The following ATP8B1 variants were observed in gnomAD, a reference collection of about 807,000 sequenced individuals.
The protein encoded by ATP8B1 is phospholipid-transporting ATPase IC.
ATP8B1 carries 80 observed loss-of-function variants against 149.9 expected under a neutral mutation model. The ratio of observed to expected loss-of-function variants is 0.53; its 90% confidence interval spans 0.45 to 0.64. The LOEUF (loss-of-function observed/expected upper bound fraction) is 0.64, where lower values mean the gene tolerates loss of function less well. Ranked by LOEUF, ATP8B1 falls within the 30% of genes least tolerant of loss-of-function variation. The pLI is 0.00. For synonymous variants in ATP8B1, 536 were observed against 562.8 expected, an observed-to-expected ratio of 0.95 and a Z score of 0.67; for missense variants, 1,247 against 1,552.6, an observed-to-expected ratio of 0.80 and a Z score of 3.31.
At chr18:57,714,980 A>G (rs2079570739) in intron 2 of ATP8B1, among the ~76,000 whole-genome samples, 1 of 152,258 alleles carries the variant, frequency 6.6e-6, no homozygotes, top group Non-Finnish European at 1.5e-5. Context: ...CTGCAGAAAC[A>G]AAACTATATG....
rs2122546600 is a variant in ATP8B1 at position 57,650,473 on chromosome 18, TG to T, written c.3424del (p.Gln1142SerfsTer6). The T allele has an allele frequency of 6.2e-7, 1 of 1,613,854 alleles. No homozygotes were observed. The highest frequency in any genetic ancestry group is 8.5e-7 in the Non-Finnish European group (1 of 1,179,790). ...FTGTASNALR[Q>X]PYIWLTIILA... ...GATGATAGTTAACCAAATGTATGGC[TG>T]TCTCAGAGCGTTTGAAGCTGTGCCT... On this transcript the variant is annotated frameshift_variant, in exon 27 of 28. Transcript: ENST00000648908. LOFTEE classifies it high-confidence loss of function.
chr18:57,726,152 C>G (rs1039731186), intron 2 of ATP8B1, among the ~76,000 whole-genome samples: 3 of 152,132 alleles, frequency 2.0e-5, no homozygotes, highest in Admixed American at 6.6e-5. Context: ...TGCTTGAACT[C>G]AAGAAGTTGA....
At chr18:57,764,100 A>C (rs1568060810) in intron 1 of ATP8B1, among the ~76,000 whole-genome samples, 1 of 152,008 alleles carries the variant, frequency 6.6e-6, no homozygotes, top group African/African-American at 2.4e-5. Context: ...AAGCCCGGTC[A>C]CTCTCGCTTT....
chr18:57,727,855 C>T (rs2079724344), intron 2 of ATP8B1, among the ~76,000 whole-genome samples: 14 of 152,152 alleles, frequency 9.2e-5, no homozygotes, highest in Admixed American at 9.2e-4. Flanking sequence ...TCCCAGAACA[C>T]ATGCTGAGAA....
chr18:57,653,935 C>T, intron 24 of ATP8B1, 57 bp downstream of exon 24: 1 of 1,475,092 alleles, frequency 6.8e-7, no homozygotes, highest in East Asian at 2.3e-5. Flanking sequence ...TTGCTTGGGA[C>T]TTCTCTAACG....
rs2080385429 is a variant in ATP8B1 at position 57,784,236 on chromosome 18, C to G, written c.-26+18762G>C. Among the ~76,000 whole-genome samples the G allele has an allele frequency of 6.6e-6, 1 of 152,094 alleles. No individual in the cohort carries two copies. Among genetic ancestry groups the G allele is most frequent in the Non-Finnish European group, 1.5e-5 (1 of 68,032 alleles). On this transcript the variant is annotated intron_variant, in intron 1 of 27. Coordinates refer to ENST00000648908, the MANE Select transcript of ATP8B1 (RefSeq NM_001374385.1). The surrounding 1 kb of genome is among the most constrained non-coding windows in gnomAD (Gnocchi z 4.4). ...GGAATTTGCAGGGGGAAGCCGGGGTCAGGGCGGGCTGGGCATAGAGAGCTG... is the reference window on the plus strand; with the variant it reads ...GGAATTTGCAGGGGGAAGCCGGGGTGAGGGCGGGCTGGGCATAGAGAGCTG...
chr18:57,765,478 G>A (rs916341443), intron 1 of ATP8B1, among the ~76,000 whole-genome samples: 2 of 152,108 alleles, frequency 1.3e-5, no homozygotes, highest in Non-Finnish European at 2.9e-5. Flanking sequence ...GACCAGCCTG[G>A]TCAATATGGT....
chr18:57,767,617 G>A (rs1051166304), intron 1 of ATP8B1, among the ~76,000 whole-genome samples: 1 of 151,982 alleles, frequency 6.6e-6, no homozygotes, highest in African/African-American at 2.4e-5. Context: ...GTGAAACCTT[G>A]TTTCTACTAA....
chr18:57,799,602 G>A (rs939141224), intron 1 of ATP8B1, among the ~76,000 whole-genome samples: 1 of 151,704 alleles, frequency 6.6e-6, no homozygotes, highest in African/African-American at 2.4e-5. Context: ...TCAGTTACTC[G>A]GGAGGCTGAG....
chr18:57,731,003 A>G (rs938898504), intron 2 of ATP8B1, among the ~76,000 whole-genome samples: 1 of 152,140 alleles, frequency 6.6e-6, no homozygotes, highest in African/African-American at 2.4e-5. Context: ...TTTTAAGAAT[A>G]TATACACTGG....
In ATP8B1 at chr18:57,782,803, C is replaced by CTTTTTTTTTTTTTTTT. The variant is rs79009229; in HGVS notation, c.-26+20179_-26+20194dup. Among the ~76,000 whole-genome samples the CTTTTTTTTTTTTTTTT allele has an allele frequency of 1.6e-4, 15 of 91,154 alleles. 1 individual carries two copies. Among genetic ancestry groups the CTTTTTTTTTTTTTTTT allele is most frequent in the East Asian group, 1.2e-3 (2 of 1,604 alleles). The allele number at this position is 91,154 out of a possible 152,430, so 59.8% of individuals were successfully genotyped here. ...GGCTCAGATTAATTCTAGTTTGTCT[C>CTTTTTTTTTTTTTTTT]TTTTTTTTTTTTTTTTTTTTTTTTT... On this transcript the variant is annotated intron_variant, in intron 1 of 27. Transcript: ENST00000648908.
intron 15 of ATP8B1, among the ~76,000 whole-genome samples, chr18:57,681,363 C>A (rs1005807602): frequency 6.6e-6 from 1 of 152,172 alleles, no homozygotes; most frequent in African/African-American, 2.4e-5. Context: ...CAGATGAGAA[C>A]ATGGCCCAAA....
At chr18:57,739,144 C>T (rs533207195) in intron 1 of ATP8B1, among the ~76,000 whole-genome samples, 3 of 152,060 alleles carry the variant, frequency 2.0e-5, no homozygotes, top group African/African-American at 7.2e-5. Context: ...TACAGGTGCC[C>T]GCCATGACAC....
intron 1 of ATP8B1, among the ~76,000 whole-genome samples, chr18:57,761,742 C>G (rs2080160084): frequency 6.6e-6 from 1 of 150,666 alleles, no homozygotes; most frequent in Admixed American, 6.6e-5. Context: ...ATCACAAGGT[C>G]AAAAGATTGA....
At chr18:57,656,389 T>C (rs868852415) in intron 22 of ATP8B1, among the ~76,000 whole-genome samples, 17 of 59,328 alleles carry the variant, frequency 2.9e-4, no homozygotes, top group East Asian at 2.5e-3. Flanking sequence ...TTCTCTCTCT[T>C]TTTTTTTTTT....
chr18:57,763,961 A>G (rs2080181768), intron 1 of ATP8B1, among the ~76,000 whole-genome samples: 1 of 152,204 alleles, frequency 6.6e-6, no homozygotes, highest in Non-Finnish European at 1.5e-5. Flanking sequence ...CATGTTTCAC[A>G]TGCTTCGTTC....
intron 22 of ATP8B1, among the ~76,000 whole-genome samples, chr18:57,658,860 T>C (rs1910198028): frequency 6.6e-6 from 1 of 152,156 alleles, no homozygotes; most frequent in South Asian, 2.1e-4. Flanking sequence ...TTGATGTGGT[T>C]GGAAGAAATG....
At chr18:57,719,285 G>T (rs1178777836) in intron 2 of ATP8B1, among the ~76,000 whole-genome samples, 1 of 152,224 alleles carries the variant, frequency 6.6e-6, no homozygotes, top group African/African-American at 2.4e-5. Flanking sequence ...AACAGCTCCG[G>T]TCTACAGCTC....
At chr18:57,680,620 A>G (rs140407939) in intron 15 of ATP8B1, among the ~76,000 whole-genome samples, 1 of 133,116 alleles carries the variant, frequency 7.5e-6, no homozygotes, top group South Asian at 2.5e-4. Context: ...CAAAACAAAA[A>G]AAAAACCACA....
Sources: allele counts gnomAD v4.1 joint callset (sites outside exome capture counted in the v4.1 genomes callset), GRCh38; gene constraint gnomAD v4.1.1; non-coding constraint Gnocchi (gnomAD v3.1); transcripts MANE v1.5; gene names NCBI Gene and HGNC (gene_info 2026-07-23, HGNC 2026-07-21).